Variants in EDARADD observed in about 807,000 individuals in gnomAD.
The protein encoded by EDARADD is EDAR associated via death domain.
EDARADD carries 20 observed loss-of-function variants against 25.6 expected under a neutral mutation model. The ratio of observed to expected loss-of-function variants is 0.78; its 90% confidence interval spans 0.55 to 1.14. The LOEUF (loss-of-function observed/expected upper bound fraction) is 1.14. Ranked by LOEUF, EDARADD falls within the 50% of genes most tolerant of loss-of-function variation. The pLI, the probability that EDARADD is intolerant of heterozygous loss-of-function variation, is 0.00. For synonymous variants in EDARADD, 86 were observed against 94.4 expected (o/e 0.91, Z 0.52); for missense variants, 225 against 270.1 (o/e 0.83, Z 1.17).
chr1:236,483,424 A>G lies in EDARADD; in HGVS notation c.*775A>G. The stretch of plus-strand genomic sequence containing the variant: ...AGCAAGAAACTGAACGTCACAGAAC[A>G]AGAGAAGATTGACAAACTTATGATA... On this transcript the variant is annotated 3_prime_UTR_variant, in exon 6 of 6. Coordinates refer to ENST00000334232, the MANE Select transcript of EDARADD (RefSeq NM_145861.4). The G allele has an allele frequency of 8.7e-7, 1 of 1,147,702 alleles. No individual in the cohort carries two copies. The highest frequency in any genetic ancestry group is 1.3e-6 in the Non-Finnish European group (1 of 757,248). The allele number at this position is 1,147,702 out of a possible 1,614,324, so 71.1% of individuals were successfully genotyped here.
At chr1:236,392,490 A>AGT (rs1667438299), upstream of EDARADD, among the ~76,000 whole-genome samples, 1 of 56,408 alleles carries the variant, frequency 1.8e-5, no homozygotes, top group African/African-American at 4.7e-5. Flanking sequence ...ATGCTCAGCT[A>AGT]ATTTTTTTTT....
chr1:236,481,116 A>T (rs1038751339), intron 5 of EDARADD, among the ~76,000 whole-genome samples: 9 of 152,236 alleles, frequency 5.9e-5, no homozygotes, highest in African/African-American at 2.2e-4. Context: ...GTTTTCAAAT[A>T]TGCATATGGA....
chr1:236,442,337 A>T lies in EDARADD; in HGVS notation c.219+14887A>T, dbSNP rs182979455. On this transcript the variant is annotated intron_variant, in intron 4 of 5. Coordinates refer to ENST00000334232, the MANE Select transcript of EDARADD (RefSeq NM_145861.4). ...GACAGGGTCTCACCATGTTGGCCAG[A>T]CTGGTCTCAAACTCCTAACCTCAAG... Among the ~76,000 whole-genome samples the T allele has an allele frequency of 1.2e-3, 181 of 152,006 alleles. 1 individual carries two copies. The highest frequency in any genetic ancestry group is 4.2e-3 in the African/African-American group (173 of 41,504).
chr1:236,376,250 C>T (rs1282478644), intron 3 of EDARADD, among the ~76,000 whole-genome samples: 1 of 152,162 alleles, frequency 6.6e-6, no homozygotes, highest in African/African-American at 2.4e-5. Context: ...TCACTTTTTT[C>T]GAAAGATCTT....
intron 3 of EDARADD, among the ~76,000 whole-genome samples, chr1:236,355,778 G>A (rs1666969403): frequency 6.6e-6 from 1 of 151,902 alleles, no homozygotes; most frequent in African/African-American, 2.4e-5. Flanking sequence ...CCAAAGTGCT[G>A]GGATTACAGG....
intron 1 of EDARADD, among the ~76,000 whole-genome samples, chr1:236,405,798 T>TC (rs1165968283): frequency 1.6e-5 from 2 of 122,742 alleles, no homozygotes; most frequent in African/African-American, 3.0e-5. Context: ...TCTTTTCTTT[T>TC]TCTTTCTTTC....
intron 3 of EDARADD, among the ~76,000 whole-genome samples, chr1:236,371,091 T>C (rs1237758165): frequency 6.6e-6 from 1 of 152,226 alleles, no homozygotes; most frequent in African/African-American, 2.4e-5. Context: ...CCTTGGACTT[T>C]AGGGGTAGGT....
chr1:236,405,178 C>T (rs1375740412), intron 1 of EDARADD, among the ~76,000 whole-genome samples: 1 of 152,088 alleles, frequency 6.6e-6, no homozygotes, highest in Non-Finnish European at 1.5e-5. Flanking sequence ...TTTCCCAGTT[C>T]CCCTCTCACT....
chr1:236,428,038 C>G (rs1189189009), intron 4 of EDARADD, among the ~76,000 whole-genome samples: 1 of 151,170 alleles, frequency 6.6e-6, no homozygotes, highest in Non-Finnish European at 1.5e-5. Flanking sequence ...TTGGCAGGGT[C>G]ATAGGACAAT....
intron 5 of EDARADD, among the ~76,000 whole-genome samples, chr1:236,477,716 A>T (rs926368980): frequency 5.9e-5 from 9 of 152,202 alleles, no homozygotes; most frequent in Non-Finnish European, 1.0e-4. Context: ...TAGAAAAGGT[A>T]TGGAGATAGA....
intron 3 of EDARADD, among the ~76,000 whole-genome samples, chr1:236,383,694 A>C (rs2102996621): frequency 6.6e-6 from 1 of 152,272 alleles, no homozygotes; most frequent in South Asian, 2.1e-4. Context: ...ATTAATCTGC[A>C]ACTTATTTGG....
chr1:236,482,569 G>T lies in EDARADD; in HGVS notation c.568G>T (p.Asp190Tyr). ...MELCRLYHRA[D>Y]VEKVLRRWVD... ...GCTCTGCAGGCTCTACCACAGGGCC[G>T]ACGTGGAGAAGGTTCTGCGCAGGTG... Residue 190 changes from aspartate to tyrosine, a missense_variant, in exon 6 of 6, where the codon GAC becomes TAC. Physicochemically the swap from Asp to Tyr is radical, Grantham distance 160. Transcript: ENST00000334232. 2 of 1,613,590 alleles carry T rather than the reference G, an allele frequency of 1.2e-6. No individual in the cohort carries two copies. Among genetic ancestry groups the T allele is most frequent in the Non-Finnish European group, 1.7e-6 (2 of 1,179,990 alleles).
intron 4 of EDARADD, among the ~76,000 whole-genome samples, chr1:236,460,804 G>A (rs921045983): frequency 2.6e-5 from 4 of 151,268 alleles, no homozygotes; most frequent in African/African-American, 9.7e-5. Context: ...TGTGTGACAT[G>A]AGAAAGTTTT....
intron 3 of EDARADD, among the ~76,000 whole-genome samples, chr1:236,418,670 C>T (rs1657704538): frequency 1.3e-5 from 2 of 152,112 alleles, no homozygotes; most frequent in South Asian, 4.1e-4. Flanking sequence ...AGTTTGAACA[C>T]GTGAAGAGAA....
intron 3 of EDARADD, among the ~76,000 whole-genome samples, chr1:236,361,804 T>C (rs1407769961): frequency 6.6e-6 from 1 of 151,742 alleles, no homozygotes; most frequent in Non-Finnish European, 1.5e-5. Flanking sequence ...TGTTTATTCA[T>C]TCACCTACTG....
At chr1:236,470,742 G>A (rs1659338615) in intron 5 of EDARADD, among the ~76,000 whole-genome samples, 1 of 152,046 alleles carries the variant, frequency 6.6e-6, no homozygotes, top group Non-Finnish European at 1.5e-5. Flanking sequence ...CTGAGTAGCT[G>A]GGATTACAGG....
intron 4 of EDARADD, among the ~76,000 whole-genome samples, chr1:236,458,990 C>G (rs1053464682): frequency 6.6e-6 from 1 of 152,056 alleles, no homozygotes; most frequent in Non-Finnish European, 1.5e-5. Flanking sequence ...TCATCCAAAA[C>G]TTTAGATGGT....
intron 4 of EDARADD, among the ~76,000 whole-genome samples, chr1:236,442,649 G>C (rs1040778021): frequency 1.3e-5 from 2 of 152,144 alleles, no homozygotes; most frequent in South Asian, 2.1e-4. Flanking sequence ...TAAAACACCA[G>C]GCTTGGATAA....
chr1:236,379,371 A>AAAAT (rs1036986951), intron 3 of EDARADD, among the ~76,000 whole-genome samples: 5 of 148,942 alleles, frequency 3.4e-5, no homozygotes, highest in Non-Finnish European at 7.4e-5. Flanking sequence ...CTCCATCTCA[A>AAAAT]AAATAAATAA....
Sources: gnomAD v4.1 joint callset for allele counts (sites outside exome capture counted in the v4.1 genomes callset) on GRCh38, gnomAD v4.1.1 for gene constraint, MANE v1.5 for transcripts, NCBI Gene and HGNC (gene_info 2026-07-23, HGNC 2026-07-21) for gene names.